Variants in C3orf49 observed in about 807,000 individuals in gnomAD.
The protein encoded by C3orf49 is chromosome 3 open reading frame 49.
A neutral mutation model predicts 13.3 loss-of-function variants in C3orf49; 27 were observed. The ratio of observed to expected loss-of-function variants is 2.02; its 90% CI spans 1.49 to 2.79. The LOEUF is 2.79. C3orf49 is among the 30% of genes most tolerant of loss of function. C3orf49 has a pLI of 0.00. For missense variants in C3orf49, 242 were observed against 134.2 expected, an observed-to-expected ratio of 1.80 and a Z score of -3.97; for synonymous variants, 87 against 47.6, an observed-to-expected ratio of 1.83 and a Z score of -3.40.
At chr3:63,820,833 A>C (rs1485361119) in intron 1 of C3orf49, among the ~76,000 whole-genome samples, 1 of 152,186 alleles carries the variant, frequency 6.6e-6, no homozygotes, top group Non-Finnish European at 1.5e-5. Context: ...TCTAAGGATG[A>C]AATTGAATAG....
the C3orf49 span, among the ~76,000 whole-genome samples, chr3:63,795,001 T>C: frequency 6.6e-6 from 1 of 152,184 alleles, no homozygotes; most frequent in Non-Finnish European, 1.5e-5. Flanking sequence ...CTGGTTGCCG[T>C]CCCGTCTCCC....
chr3:63,782,007 C>A, the C3orf49 span, among the ~76,000 whole-genome samples: 1 of 152,204 alleles, frequency 6.6e-6, no homozygotes, highest in South Asian at 2.1e-4. Flanking sequence ...GCTCTAGAGC[C>A]TGTATGCTTA....
At chr3:63,834,135 T>A in intron 5 of C3orf49, 1 of 1,614,136 alleles carries the variant, frequency 6.2e-7, no homozygotes, top group Non-Finnish European at 8.5e-7. Context: ...AGCCTGTCTA[T>A]GGCTTAGGAT....
the C3orf49 span, among the ~76,000 whole-genome samples, chr3:63,810,667 C>A: frequency 8.5e-5 from 13 of 152,234 alleles, no homozygotes; most frequent in African/African-American, 3.1e-4. Context: ...GTTGCCATTG[C>A]ATTAAAGAGT....
At chr3:63,836,412 C>G in intron 5 of C3orf49, 1 of 1,551,604 alleles carries the variant, frequency 6.4e-7, no homozygotes, top group Non-Finnish European at 8.9e-7. Flanking sequence ...TGTGAATTAT[C>G]AAAACAAAAT....
At chr3:63,789,810 CAAAAA>C in the C3orf49 span, among the ~76,000 whole-genome samples, 4 of 49,662 alleles carry the variant, frequency 8.1e-5, no homozygotes. Context: ...GACTCTGTCT[CAAAAA>C]AAAAAAAAAA....
At position 63,827,738 on chromosome 3, in the gene C3orf49, A is replaced by G. The variant is rs547479265; in HGVS notation, c.570+13A>G. The G allele has an allele frequency of 5.1e-4, 358 of 701,704 alleles. 3 individuals carry two copies. The South Asian group carries it at 5.2e-3, about 10-fold the overall frequency. The allele number at this position is 701,704 out of a possible 1,614,324, so 43.5% of individuals were successfully genotyped here. A position where few individuals can be genotyped will look rare whatever the true frequency, so the allele number is the denominator to read the frequency against. ...AGGACTGCAAAAGGTAAAACGCTAA[A>G]TGAATTTGCCTCTGAAGACTTACAC... On this transcript the variant is annotated intron_variant, in intron 3 of 6. Coordinates refer to ENST00000295896, the MANE Select transcript of C3orf49 (RefSeq NM_001355236.2).
chr3:63,826,082 G>A (rs1349642296), intron 2 of C3orf49, among the ~76,000 whole-genome samples: 2 of 152,206 alleles, frequency 1.3e-5, no homozygotes, highest in Admixed American at 6.5e-5. Flanking sequence ...ATCCAGTGGA[G>A]GTTGGAACAC....
chr3:63,823,228 G>T, intron 1 of C3orf49, 22 bp from the exon 2 acceptor site: 2 of 663,118 alleles, frequency 3.0e-6, no homozygotes, highest in South Asian at 1.6e-5. Context: ...TCCCTAATAT[G>T]AACCATTTTT....
chr3:63,818,297 A>C (rs553761721), upstream of C3orf49, among the ~76,000 whole-genome samples: 24 of 152,232 alleles, frequency 1.6e-4, no homozygotes, highest in Non-Finnish European at 2.9e-4. Flanking sequence ...CACATAGCTA[A>C]GCTAGAAATG....
At chr3:63,833,204 C>G (rs1056762747) in intron 5 of C3orf49, among the ~76,000 whole-genome samples, 1 of 151,186 alleles carries the variant, frequency 6.6e-6, no homozygotes, top group Non-Finnish European at 1.5e-5. Context: ...TCAAGTGATT[C>G]TCCTGCCTCA....
the C3orf49 span, among the ~76,000 whole-genome samples, chr3:63,810,000 T>C: frequency 6.8e-6 from 1 of 148,120 alleles, no homozygotes; most frequent in Non-Finnish European, 1.5e-5. Flanking sequence ...ATACAAAAAA[T>C]TAGCCGGGGC....
rs114391175 is a variant in C3orf49, at chr3:63,819,538, C to G, written c.67C>G (p.Arg23Gly). 1 of 702,952 alleles carries G rather than the reference C, an allele frequency of 1.4e-6. No individual in the cohort carries two copies. The highest frequency in any genetic ancestry group is 2.6e-6 in the Non-Finnish European group (1 of 385,010). The allele number at this position is 702,952 out of a possible 1,614,324, so 43.5% of individuals were successfully genotyped here. Residue 23 changes from arginine to glycine, a missense_variant, in exon 1 of 7, where the codon CGA (arginine) becomes GGA (glycine). Transcript: ENST00000295896. ...TGCCTACAGAAAAGTTGGACAGTGCCGAAGATTCCAGCAACTCAAGAAGAA... is the reference window on the plus strand; with the variant it reads ...TGCCTACAGAAAAGTTGGACAGTGCGGAAGATTCCAGCAACTCAAGAAGAA... The part of the protein sequence containing the change: ...KIAYRKVGQC[R>G]RFQQLKKKNG...
the C3orf49 span, among the ~76,000 whole-genome samples, chr3:63,807,918 A>G: frequency 1.5e-4 from 22 of 151,478 alleles, no homozygotes; most frequent in East Asian, 1.5e-3. Flanking sequence ...ATAAATAAAT[A>G]AAGGGAAAGA....
At chr3:63,833,897 T>G (rs1370000268) in intron 5 of C3orf49, 1 of 435,906 alleles carries the variant, frequency 2.3e-6, no homozygotes, top group African/African-American at 2.0e-5. Context: ...TTATTAAGCA[T>G]TTTTGGATGT....
intron 1 of C3orf49, among the ~76,000 whole-genome samples, chr3:63,819,959 G>C (rs1284898594): frequency 3.3e-5 from 5 of 152,138 alleles, no homozygotes; most frequent in Non-Finnish European, 7.4e-5. Flanking sequence ...ATAGGTCCAC[G>C]ATCAGTGCTT....
chr3:63,836,593 T>C (rs1701639395), intron 5 of C3orf49, among the ~76,000 whole-genome samples: 1 of 151,978 alleles, frequency 6.6e-6, no homozygotes, highest in Non-Finnish European at 1.5e-5. Flanking sequence ...CATTTATATG[T>C]CCTGGACAGA....
intron 5 of C3orf49, among the ~76,000 whole-genome samples, chr3:63,832,408 C>T (rs1291102694): frequency 6.6e-6 from 1 of 152,098 alleles, no homozygotes; most frequent in African/African-American, 2.4e-5. Context: ...TCTATACTCC[C>T]AGCACTTTGG....
At chr3:63,847,484 T>C (rs1701923202) in intron 6 of C3orf49, among the ~76,000 whole-genome samples, 1 of 152,214 alleles carries the variant, frequency 6.6e-6, no homozygotes, top group Admixed American at 6.5e-5. Context: ...ACGCCTGTAA[T>C]CCCAGCACTT....
Sources: gnomAD v4.1 joint callset for allele counts (sites outside exome capture counted in the v4.1 genomes callset) on GRCh38, gnomAD v4.1.1 for gene constraint, MANE v1.5 for transcripts, NCBI Gene and HGNC (gene_info 2026-07-23, HGNC 2026-07-21) for gene names.